The following KREMEN1 variants were observed in gnomAD, a reference collection of about 807,000 sequenced individuals.
KREMEN1 encodes the protein kremen protein 1.
Under a neutral mutation model 46.5 loss-of-function variants are expected in KREMEN1, and 30 were observed. The observed-to-expected ratio is 0.65, with a 90% CI of 0.48 to 0.88. The LOEUF is 0.88. Among genes scored for constraint, KREMEN1 ranks in the 40% least tolerant of loss-of-function variants. KREMEN1 has a pLI of 0.00. For synonymous variants in KREMEN1, 214 were observed against 230.6 expected, an observed-to-expected ratio of 0.93 and a Z score of 0.65; for missense variants, 533 against 596.9, an observed-to-expected ratio of 0.89 and a Z score of 1.11.
intron 5 of KREMEN1, among the ~76,000 whole-genome samples, chr22:29,128,079 G>A (rs924430663): frequency 1.6e-4 from 24 of 152,146 alleles, no homozygotes; most frequent in African/African-American, 5.6e-4. Context: ...AGGGCTGGGG[G>A]AAGGGGAAGA....
intron 1 of KREMEN1, among the ~76,000 whole-genome samples, chr22:29,077,765 G>C (rs935948887): frequency 2.6e-5 from 4 of 152,116 alleles, no homozygotes; most frequent in Non-Finnish European, 5.9e-5. Flanking sequence ...AGTGTTCACT[G>C]GTCTAGAAAA....
At chr22:29,094,527 CAAG>C (rs2037850761) in intron 2 of KREMEN1, 107 bp downstream of exon 2, 8 of 868,344 alleles carry the variant, frequency 9.2e-6, no homozygotes, top group Non-Finnish European at 1.2e-5. Context: ...TTGACCAACT[CAAG>C]AGACTTATCT....
chr22:29,132,854 C>T (rs938263054), intron 5 of KREMEN1, among the ~76,000 whole-genome samples: 2 of 152,124 alleles, frequency 1.3e-5, no homozygotes, highest in African/African-American at 2.4e-5. Flanking sequence ...AGATATTGGT[C>T]CATATTCTTG....
At chr22:29,135,815 C>T (rs1448772015) in intron 5 of KREMEN1, among the ~76,000 whole-genome samples, 2 of 152,160 alleles carry the variant, frequency 1.3e-5, no homozygotes, top group Non-Finnish European at 2.9e-5. Flanking sequence ...TGTGGCCTGA[C>T]TCTCCTTGAT....
At chr22:29,097,905 G>C (rs2037906405) in intron 2 of KREMEN1, among the ~76,000 whole-genome samples, 1 of 152,106 alleles carries the variant, frequency 6.6e-6, no homozygotes, top group African/African-American at 2.4e-5. Context: ...AATAAGGCTG[G>C]GCACGGTGGC....
chr22:29,157,290 C>A (rs932861272), intron 9 of KREMEN1, among the ~76,000 whole-genome samples: 7 of 152,142 alleles, frequency 4.6e-5, no homozygotes, highest in Non-Finnish European at 8.8e-5. Flanking sequence ...AGTGGGGGAG[C>A]CGAGGCCCAG....
rs1282517348 is a variant in KREMEN1, at chr22:29,137,521, G to A, written c.811G>A (p.Glu271Lys). The A allele has an allele frequency of 1.9e-6, 3 of 1,612,322 alleles. No individual in the cohort carries two copies. Among genetic ancestry groups the A allele is most frequent in the East Asian group, 2.2e-5 (1 of 44,834 alleles). Residue 271 changes from glutamate to lysine, a missense_variant, in exon 6 of 9, where the codon GAG becomes AAG. Glu to Lys is a moderately conservative substitution (Grantham distance 56). Coordinates refer to ENST00000400335, the MANE Select transcript of KREMEN1 (RefSeq NM_001039570.3). ...CATCAGGGACTCGGCGGACATGGTG[G>A]AGCTTCTGGATGGCTACACCCACCG... The part of the protein sequence containing the change: ...FDIRDSADMV[E>K]LLDGYTHRVL...
At chr22:29,134,573 C>T (rs1043715251) in intron 5 of KREMEN1, among the ~76,000 whole-genome samples, 11 of 152,094 alleles carry the variant, frequency 7.2e-5, no homozygotes, top group Non-Finnish European at 1.5e-4. Flanking sequence ...CCCCCTCCCA[C>T]CCTTGCTTTT....
At chr22:29,086,331 T>C (rs1363316339) in intron 1 of KREMEN1, among the ~76,000 whole-genome samples, 1 of 152,210 alleles carries the variant, frequency 6.6e-6, no homozygotes, top group Non-Finnish European at 1.5e-5. Flanking sequence ...TTCTCTGATA[T>C]CATTTCCCCT....
Position 29,137,291 on chromosome 22 carries a change from C to T in KREMEN1, c.632-51C>T, listed in dbSNP as rs550037446. The T allele has an allele frequency of 1.5e-5, 19 of 1,306,696 alleles. No individual in the cohort carries two copies. The East Asian group carries it at 3.6e-4, about 25-fold the overall frequency. The allele number at this position is 1,306,696 out of a possible 1,614,324, so 80.9% of individuals were successfully genotyped here. A position where few individuals can be genotyped will look rare whatever the true frequency, so the allele number is the denominator to read the frequency against. ...TTAGTGCCTTGGTGTTGGAAGCGCG[C>T]CTGTGGCAAAGGCCCAGACTGAGGG... On this transcript the variant is annotated intron_variant, in intron 5 of 8. Coordinates refer to ENST00000400335, the MANE Select transcript of KREMEN1 (RefSeq NM_001039570.3).
intron 1 of KREMEN1, among the ~76,000 whole-genome samples, chr22:29,088,437 G>T (rs134644): frequency 0.77 from 117,724 of 152,014 alleles, 46,535 homozygotes; most frequent in African/African-American, 0.94. Flanking sequence ...CAAGCGATCC[G>T]CCTACCTCAG....
chr22:29,129,593 TG>T (rs1476991898), intron 5 of KREMEN1, among the ~76,000 whole-genome samples: 1 of 152,162 alleles, frequency 6.6e-6, no homozygotes, highest in Non-Finnish European at 1.5e-5. Flanking sequence ...GGCTCGCATG[TG>T]GGTCTCAGTC....
At chr22:29,114,793 A>G (rs2038211622) in intron 3 of KREMEN1, among the ~76,000 whole-genome samples, 1 of 152,242 alleles carries the variant, frequency 6.6e-6, no homozygotes, top group South Asian at 2.1e-4. Context: ...GCCATTTTGA[A>G]GTATATTTGA....
chr22:29,118,036 G>A (rs7288068), intron 3 of KREMEN1, among the ~76,000 whole-genome samples: 2,623 of 152,278 alleles, frequency 0.017, 77 homozygotes, highest in African/African-American at 0.06. Flanking sequence ...ACCAGAGCTG[G>A]AGTCTCATCT....
chr22:29,156,800 C>T (rs2145871938), intron 9 of KREMEN1, among the ~76,000 whole-genome samples: 1 of 152,302 alleles, frequency 6.6e-6, no homozygotes, highest in Middle Eastern at 3.4e-3. Flanking sequence ...CACTAAACAC[C>T]CTCGGACCAG....
intron 5 of KREMEN1, among the ~76,000 whole-genome samples, chr22:29,136,913 G>C (rs1306382128): frequency 6.6e-6 from 1 of 152,206 alleles, no homozygotes; most frequent in African/African-American, 2.4e-5. Flanking sequence ...TGGCTTCCCT[G>C]CAGAGTGGCC....
chr22:29,097,849 A>T (rs868483993), intron 2 of KREMEN1, among the ~76,000 whole-genome samples: 1 of 152,072 alleles, frequency 6.6e-6, no homozygotes, highest in Non-Finnish European at 1.5e-5. Context: ...ACATGGAATT[A>T]TGTCATCTAT....
At chr22:29,079,220 CT>C (rs1186888755) in intron 1 of KREMEN1, among the ~76,000 whole-genome samples, 5 of 152,068 alleles carry the variant, frequency 3.3e-5, no homozygotes, top group Admixed American at 3.3e-4. Context: ...ATTCCTTCCC[CT>C]CCTTTTAAAT....
chr22:29,097,197 G>T (rs2037895722), intron 2 of KREMEN1, among the ~76,000 whole-genome samples: 1 of 152,254 alleles, frequency 6.6e-6, no homozygotes, highest in African/African-American at 2.4e-5. Context: ...CCTAACCGGA[G>T]TGTCAGCTTT....
Sources: allele counts gnomAD v4.1 joint callset (sites outside exome capture counted in the v4.1 genomes callset), GRCh38; gene constraint gnomAD v4.1.1; transcripts MANE v1.5; gene names NCBI Gene and HGNC (gene_info 2026-07-23, HGNC 2026-07-21).